The following PBRM1 variants were observed in gnomAD, a reference collection of about 807,000 sequenced individuals.
The protein encoded by PBRM1 is polybromo 1.
Under a neutral mutation model 194.5 loss-of-function variants are expected in PBRM1, and 27 were observed. That is an observed-to-expected ratio of 0.14 (90% confidence interval 0.10 to 0.19). The LOEUF is 0.19. Among genes scored for constraint, PBRM1 ranks in the 10% least tolerant of loss-of-function variants. The pLI, the probability that PBRM1 is intolerant of heterozygous loss-of-function variation, is 1.00. For synonymous variants in PBRM1, 655 were observed against 693.2 expected (o/e 0.94, Z 0.87); for missense variants, 1,466 against 2,077.2 (o/e 0.71, Z 5.72).
At chr3:52,627,414 A>G (rs1168444187) in intron 12 of PBRM1, 44 bp from the exon 14 acceptor site, 6 of 1,123,706 alleles carry the variant, frequency 5.3e-6, no homozygotes, top group Non-Finnish European at 6.8e-6. Flanking sequence ...TGTGCCAAAC[A>G]CTCCTCTGAA....
At chr3:52,617,171 G>A (rs2095006512) in intron 14 of PBRM1, 91 bp downstream of exon 16, 1 of 946,436 alleles carries the variant, frequency 1.1e-6, no homozygotes, top group African/African-American at 1.7e-5. Flanking sequence ...TCTAAGTTAA[G>A]CCTCTAGAGC....
chr3:52,624,905 C>T (rs957666908), intron 13 of PBRM1: 2 of 1,544,910 alleles, frequency 1.3e-6, no homozygotes, highest in African/African-American at 2.7e-5. Context: ...ACCTGGATAG[C>T]CTCCTGAGAC....
chr3:52,578,809 G>C (rs1414946932), intron 21 of PBRM1, among the ~76,000 whole-genome samples: 2 of 152,204 alleles, frequency 1.3e-5, no homozygotes, highest in Non-Finnish European at 2.9e-5. Flanking sequence ...TGCTAAAGGA[G>C]TTTACTGTAT....
chr3:52,575,095 G>A (rs1289736815), intron 22 of PBRM1, among the ~76,000 whole-genome samples: 1 of 152,028 alleles, frequency 6.6e-6, no homozygotes, highest in African/African-American at 2.4e-5. Context: ...TAGAGACAGG[G>A]TTTCGCCATC....
At chr3:52,657,201 A>C (rs187447977) in intron 5 of PBRM1, among the ~76,000 whole-genome samples, 1 of 152,314 alleles carries the variant, frequency 6.6e-6, no homozygotes, top group African/African-American at 2.4e-5. Context: ...GTAAGACTAA[A>C]AAGTTCCAGA....
At chr3:52,637,410 C>T (rs1341335977) in intron 10 of PBRM1, among the ~76,000 whole-genome samples, 1 of 152,088 alleles carries the variant, frequency 6.6e-6, no homozygotes, top group African/African-American at 2.4e-5. Context: ...GGTGGGTAGC[C>T]TGCCTGAGCT....
chr3:52,567,805 T>TG (rs1248223617), intron 22 of PBRM1, among the ~76,000 whole-genome samples: 1 of 140,088 alleles, frequency 7.1e-6, no homozygotes, highest in African/African-American at 2.9e-5. Flanking sequence ...CTAATTTTTG[T>TG]GTTTTTTTTT....
intron 5 of PBRM1, among the ~76,000 whole-genome samples, chr3:52,652,890 C>G (rs1250660084): frequency 1.3e-5 from 2 of 151,640 alleles, no homozygotes; most frequent in African/African-American, 4.8e-5. Context: ...CCCAGCTACT[C>G]AGGAGGCTAA....
At chr3:52,595,777 T>C (rs2153221983) in intron 17 of PBRM1, among the ~76,000 whole-genome samples, 1 of 152,358 alleles carries the variant, frequency 6.6e-6, no homozygotes, top group African/African-American at 2.4e-5. Context: ...TTTCATAGTT[T>C]CAGGTATTAG....
At chr3:52,636,523 C>G (rs1341304468) in intron 10 of PBRM1, among the ~76,000 whole-genome samples, 1 of 150,914 alleles carries the variant, frequency 6.6e-6, no homozygotes, top group Non-Finnish European at 1.5e-5. Flanking sequence ...TTTGGGAGGC[C>G]AAGGCGGGCA....
At chr3:52,579,166 C>T (rs2090442212) in exon 21 of PBRM1, 1 of 1,614,056 alleles carries the variant, frequency 6.2e-7, no homozygotes, top group Non-Finnish European at 8.5e-7. Flanking sequence ...CCTGGTTCAC[C>T]ATTGGACATT....
chr3:52,625,071 A>G lies in PBRM1; in HGVS notation c.1541+2202T>C, dbSNP rs1576986303. 1.2e-5 allele frequency: 8 copies of G among 694,128 alleles called. No homozygotes were observed. The East Asian group carries it at 1.9e-4, about 17-fold the overall frequency. The allele number at this position is 694,128 out of a possible 1,614,324, so 43.0% of individuals were successfully genotyped here. On this transcript the variant is annotated intron_variant, in intron 13 of 29. Transcript: ENST00000296302. ...CAAAGTACCAAAGACAATATTTGAA[A>G]CATTTCAACAAGGAAGACAGATGTT...
chr3:52,547,980 C>T, downstream of PBRM1: 1 of 1,186,750 alleles, frequency 8.4e-7, no homozygotes, highest in Non-Finnish European at 1.2e-6. Flanking sequence ...CTCCTTTGTT[C>T]CTTCCCCCCA....
At chr3:52,632,896 G>A (rs544558615) in intron 11 of PBRM1, among the ~76,000 whole-genome samples, 7 of 152,126 alleles carry the variant, frequency 4.6e-5, no homozygotes, top group African/African-American at 1.7e-4. Context: ...GTTTCACAAT[G>A]TTGGCCGGGC....
chr3:52,637,643 G>T (rs2095869794), intron 10 of PBRM1, among the ~76,000 whole-genome samples: 1 of 151,184 alleles, frequency 6.6e-6, no homozygotes, highest in South Asian at 2.1e-4. Flanking sequence ...AAGAAAAAAA[G>T]AAGGCTGGGC....
exon 26 of PBRM1, chr3:52,558,411 G>A: frequency 6.5e-7 from 1 of 1,532,026 alleles, no homozygotes; most frequent in Non-Finnish European, 8.8e-7. Context: ...TTAGCTGCCC[G>A]CTCTGTAAAG....
At chr3:52,657,905 C>T (rs1252608359) in intron 5 of PBRM1, among the ~76,000 whole-genome samples, 1 of 152,114 alleles carries the variant, frequency 6.6e-6, no homozygotes, top group African/African-American at 2.4e-5. Context: ...AATTCTCCTA[C>T]CTCACCCTCC....
At chr3:52,654,501 T>A (rs2096570772) in intron 5 of PBRM1, among the ~76,000 whole-genome samples, 1 of 152,146 alleles carries the variant, frequency 6.6e-6, no homozygotes, top group Non-Finnish European at 1.5e-5. Flanking sequence ...ACGGACTTAC[T>A]AAGGAAAGGT....
chr3:52,651,715 A>G (rs373843065), intron 6 of PBRM1, 27 bp downstream of exon 7: 18 of 1,409,020 alleles, frequency 1.3e-5, no homozygotes, highest in African/African-American at 7.2e-5. Context: ...CTAAACCACA[A>G]TCATTTACTT....
Sources: gnomAD v4.1 joint callset for allele counts (sites outside exome capture counted in the v4.1 genomes callset) on GRCh38, gnomAD v4.1.1 for gene constraint, MANE v1.5 for transcripts, NCBI Gene and HGNC (gene_info 2026-07-23, HGNC 2026-07-21) for gene names.